CDH6: variants seen among roughly 807,000 people sequenced by gnomAD.
The protein encoded by CDH6 is cadherin 6.
A neutral mutation model predicts 78.0 loss-of-function variants in CDH6; 31 were observed. The observed-to-expected ratio is 0.40, with a 90% CI of 0.30 to 0.54. The LOEUF (loss-of-function observed/expected upper bound fraction) is 0.54, where lower values mean the gene tolerates loss of function less well. Ranked by LOEUF, CDH6 falls within the 20% of genes least tolerant of loss-of-function variation. The probability of loss-of-function intolerance (pLI) is 0.56; values close to 1 mark genes in which losing one functional copy is unlikely to be tolerated. For missense variants in CDH6, 724 were observed against 975.9 expected (o/e 0.74, Z 3.44); for synonymous variants, 376 against 368.8 (o/e 1.02, Z -0.23).
In CDH6 at chr5:31,241,779, A is replaced by T. The variant is rs148244632; in HGVS notation, c.-128-25567A>T. Among the ~76,000 whole-genome samples the T allele has an allele frequency of 9.2e-3, 1,397 of 152,344 alleles. 7 individuals carry two copies. Among genetic ancestry groups the T allele is most frequent in the Non-Finnish European group, 0.015 (991 of 68,032 alleles). On this transcript the variant is annotated intron_variant, in intron 1 of 11. Coordinates refer to ENST00000265071, the MANE Select transcript of CDH6 (RefSeq NM_004932.4). ...GCTGCTTTCTTCACAGTCCACTAAT[A>T]GACCTTTGGAGGTCAAAACTAGCTG...
chr5:31,223,725 T>A (rs1424797803), intron 1 of CDH6, among the ~76,000 whole-genome samples: 1 of 152,220 alleles, frequency 6.6e-6, no homozygotes, highest in Non-Finnish European at 1.5e-5. Context: ...TCCAATATAA[T>A]CATTACTAAT....
At chr5:31,310,854 T>C (rs1002395774) in intron 7 of CDH6, among the ~76,000 whole-genome samples, 1 of 152,234 alleles carries the variant, frequency 6.6e-6, no homozygotes, top group Non-Finnish European at 1.5e-5. Context: ...GTCCCAAGGC[T>C]GCACAGAGCA....
At chr5:31,306,228 ACAAGAAT>A (rs1737986672) in intron 7 of CDH6, among the ~76,000 whole-genome samples, 1 of 152,254 alleles carries the variant, frequency 6.6e-6, no homozygotes, top group Non-Finnish European at 1.5e-5. Flanking sequence ...GTAGATAAAA[ACAAGAAT>A]CATTTCATGA....
chr5:31,198,351 C>G (rs1041421201), intron 1 of CDH6, among the ~76,000 whole-genome samples: 2 of 152,150 alleles, frequency 1.3e-5, no homozygotes, highest in African/African-American at 4.8e-5. Flanking sequence ...GGTAGAATTT[C>G]ATTAATGCCA....
At position 31,247,014 on chromosome 5, in the gene CDH6, G is replaced by C. The variant is rs191762686; in HGVS notation, c.-128-20332G>C. ...GATCTGCCTGCCTTAGCCTCCCAAA[G>C]TGTTGGGATTACAGGCATGAGCTAC... On this transcript the variant is annotated intron_variant, in intron 1 of 11. Transcript: ENST00000265071. Among the ~76,000 whole-genome samples, 411 of 152,302 alleles carry C rather than the reference G, an allele frequency of 2.7e-3. 6 individuals carry two copies. The highest frequency in any genetic ancestry group is 9.7e-3 in the African/African-American group (403 of 41,558).
chr5:31,207,323 T>A (rs1438961643), intron 1 of CDH6, among the ~76,000 whole-genome samples: 1 of 152,212 alleles, frequency 6.6e-6, no homozygotes, highest in Non-Finnish European at 1.5e-5. Flanking sequence ...GTTGAATGTG[T>A]TGACACTCAC....
chr5:31,310,953 G>A lies in CDH6; in HGVS notation c.1254-2365G>A, dbSNP rs368833243. Among the ~76,000 whole-genome samples, 44 of 152,298 alleles carry A rather than the reference G, an allele frequency of 2.9e-4. No homozygotes were observed. The East Asian group carries it at 2.9e-3, about 10-fold the overall frequency. On this transcript the variant is annotated intron_variant, in intron 7 of 11. Transcript: ENST00000265071. ...GGAAGGGGCTGCCATCAAGGTCCCCGAAATGCCCTGGAGACATTTTCCCCC... is the reference window on the plus strand; with the variant it reads ...GGAAGGGGCTGCCATCAAGGTCCCCAAAATGCCCTGGAGACATTTTCCCCC...
intron 1 of CDH6, among the ~76,000 whole-genome samples, chr5:31,222,151 A>G (rs1431015443): frequency 6.6e-6 from 1 of 152,182 alleles, no homozygotes; most frequent in Non-Finnish European, 1.5e-5. Flanking sequence ...TGGCCAAGTG[A>G]CTTTTTTTCA....
chr5:31,262,443 A>G (rs1742234983), intron 1 of CDH6, among the ~76,000 whole-genome samples: 1 of 152,250 alleles, frequency 6.6e-6, no homozygotes, highest in South Asian at 2.1e-4. Flanking sequence ...TGTAGAAAAT[A>G]GAAAGTTCCT....
intron 1 of CDH6, among the ~76,000 whole-genome samples, chr5:31,229,471 T>C (rs1741253439): frequency 1.3e-5 from 2 of 152,230 alleles, no homozygotes; most frequent in South Asian, 4.1e-4. Flanking sequence ...CTGTTAGGCA[T>C]TTGTAACAAG....
chr5:31,318,354 G>A (rs1738387997), intron 11 of CDH6: 1 of 313,722 alleles, frequency 3.2e-6, no homozygotes, highest in Non-Finnish European at 5.9e-6. Context: ...AGAGGAGTAT[G>A]ATGACTTTTC....
intron 1 of CDH6, among the ~76,000 whole-genome samples, chr5:31,204,546 G>A (rs1740460437): frequency 6.6e-6 from 1 of 152,174 alleles, no homozygotes; most frequent in African/African-American, 2.4e-5. Context: ...TGGATTAATT[G>A]GGCACTATAG....
At chr5:31,252,328 G>GTGTGTGTGTGTGTGT (rs1554006112) in intron 1 of CDH6, among the ~76,000 whole-genome samples, 89 of 149,028 alleles carry the variant, frequency 6.0e-4, no homozygotes, top group Admixed American at 1.8e-3. Flanking sequence ...ATGTGTGTGT[G>GTGTGTGTGTGTGTGT]GTGTGTGTGT....
intron 1 of CDH6, among the ~76,000 whole-genome samples, chr5:31,253,764 C>T (rs1469777877): frequency 6.6e-6 from 1 of 151,680 alleles, no homozygotes; most frequent in Non-Finnish European, 1.5e-5. Flanking sequence ...CCTAACTCAA[C>T]TATCTCACCT....
At chr5:31,246,847 C>T (rs922838365) in intron 1 of CDH6, among the ~76,000 whole-genome samples, 5 of 152,116 alleles carry the variant, frequency 3.3e-5, no homozygotes, top group Non-Finnish European at 7.3e-5. Flanking sequence ...CCTCTGCCTC[C>T]CAGTTCAAGC....
intron 1 of CDH6, among the ~76,000 whole-genome samples, chr5:31,225,072 C>A (rs1741112207): frequency 6.6e-6 from 1 of 152,168 alleles, no homozygotes; most frequent in Non-Finnish European, 1.5e-5. Flanking sequence ...CCACTAACAT[C>A]CTGCAATGCA....
chr5:31,197,555 T>A (rs1740203181), intron 1 of CDH6, among the ~76,000 whole-genome samples: 1 of 152,190 alleles, frequency 6.6e-6, no homozygotes, highest in South Asian at 2.1e-4. Context: ...ACAATCAAAC[T>A]TTCTCTGGTT....
chr5:31,249,257 G>A (rs1374160557), intron 1 of CDH6: 1 of 152,182 alleles, frequency 6.6e-6, no homozygotes, highest in Non-Finnish European at 1.5e-5. Context: ...GGTTTTACCA[G>A]CTGCTGTAGG....
chr5:31,302,632 GA>G (rs1455307753), intron 6 of CDH6, among the ~76,000 whole-genome samples: 1 of 148,952 alleles, frequency 6.7e-6, no homozygotes, highest in Admixed American at 6.8e-5. Flanking sequence ...AGGATCGCTT[GA>G]GCCTGGGCAG....
Sources: gnomAD v4.1 joint callset for allele counts (sites outside exome capture counted in the v4.1 genomes callset) on GRCh38, gnomAD v4.1.1 for gene constraint, MANE v1.5 for transcripts, NCBI Gene and HGNC (gene_info 2026-07-23, HGNC 2026-07-21) for gene names.